HIVEP3: variants seen among roughly 807,000 people sequenced by gnomAD.
HIVEP3 encodes the protein HIVEP zinc finger 3, also known as transcription factor HIVEP3.
In HIVEP3, 49 loss-of-function variants were observed where a neutral mutation model predicts 152.8. The ratio of observed to expected loss-of-function variants is 0.32; its 90% CI spans 0.26 to 0.41. The LOEUF is 0.41. Ranked by LOEUF, HIVEP3 falls within the 10% of genes least tolerant of loss-of-function variation. The pLI is 1.00. For synonymous variants in HIVEP3, 1,269 were observed against 1,289.0 expected (o/e 0.98, Z 0.33); for missense variants, 2,790 against 3,103.3 (o/e 0.90, Z 2.40).
chr1:41,854,517 C>CTTT (rs998972000), intron 1 of HIVEP3, among the ~76,000 whole-genome samples: 1,224 of 103,336 alleles, frequency 0.012, 23 homozygotes, highest in African/African-American at 0.036. Context: ...TCTTGCTGCA[C>CTTT]TTTTTTTTTT....
intron 5 of HIVEP3, among the ~76,000 whole-genome samples, chr1:41,554,271 C>A (rs138418739): frequency 1.3e-5 from 2 of 152,276 alleles, no homozygotes; most frequent in African/African-American, 4.8e-5. Context: ...GATACCCTTT[C>A]TTCCATTGGC....
chr1:41,615,368 C>T (rs1490465674), intron 3 of HIVEP3, among the ~76,000 whole-genome samples: 1 of 152,220 alleles, frequency 6.6e-6, no homozygotes, highest in Non-Finnish European at 1.5e-5. Flanking sequence ...GGGGCTGCCC[C>T]CCATCTCCTC....
In HIVEP3 at chr1:41,580,984, T is replaced by G; in HGVS notation, c.3814A>C (p.Ser1272Arg). 6.3e-7 allele frequency: 1 copy of G among 1,580,906 alleles called. No homozygotes were observed. Among genetic ancestry groups the G allele is most frequent in the South Asian group, 1.2e-5 (1 of 85,726 alleles). ...KTSLAPLATG[S>R]AGLSPSTEYS... is the part of the protein sequence containing the mutation. Reference sequence around the variant, plus strand: ...TCTGTGCTGGGGGAGAGGCCAGCACTTCCTGTTGCCAGTGGGGCCAGGCTG... The same window carrying G: ...TCTGTGCTGGGGGAGAGGCCAGCACGTCCTGTTGCCAGTGGGGCCAGGCTG... Residue 1272 changes from serine (S) to arginine (R), a missense_variant, in exon 4 of 9, where the codon AGT (serine) becomes CGT (arginine). Coordinates refer to ENST00000372583, the MANE Select transcript of HIVEP3 (RefSeq NM_024503.5).
chr1:41,788,709 A>G (rs2124294854), intron 1 of HIVEP3, among the ~76,000 whole-genome samples: 1 of 152,372 alleles, frequency 6.6e-6, no homozygotes, highest in South Asian at 2.1e-4. Context: ...AAATTTGAAG[A>G]AAGCTGGGAA....
In HIVEP3 at chr1:41,580,171, G is replaced by A. The variant is rs761626711; in HGVS notation, c.4627C>T (p.Arg1543Ter). ...EYPQPSGKPH[R>*]RGLTPLSVKK... ...ACGCTCAGTGGGGTCAACCCTCTTC[G>A]GTGAGGTTTGCCAGATGGCTGGGGA... Residue 1543 changes from arginine to a stop codon, truncating the protein, a stop_gained, in exon 4 of 9, where the codon CGA becomes TGA. Coordinates refer to ENST00000372583, the MANE Select transcript of HIVEP3 (RefSeq NM_024503.5). LOFTEE classifies it high-confidence loss of function. 1.9e-6 allele frequency: 3 copies of A among 1,612,808 alleles called. No homozygotes were observed. The highest frequency in any genetic ancestry group is 1.1e-5 in the South Asian group (1 of 90,930).
chr1:42,006,438 C>T (rs1157436128), intron 1 of HIVEP3, among the ~76,000 whole-genome samples: 2 of 151,956 alleles, frequency 1.3e-5, no homozygotes, highest in South Asian at 4.2e-4. Flanking sequence ...GGGGTAATAT[C>T]TATATTATTT....
At chr1:41,914,890 T>A (rs1644847711) in intron 1 of HIVEP3, among the ~76,000 whole-genome samples, 1 of 152,228 alleles carries the variant, frequency 6.6e-6, no homozygotes, top group Admixed American at 6.5e-5. Flanking sequence ...TGTTTCCTGA[T>A]CATAACAAGA....
chr1:41,815,814 A>G (rs1300765174), intron 1 of HIVEP3, among the ~76,000 whole-genome samples: 1 of 151,672 alleles, frequency 6.6e-6, no homozygotes, highest in Non-Finnish European at 1.5e-5. Context: ...CTGTTGCCCA[A>G]GCCGGAGTGC....
At chr1:41,866,524 T>C (rs1343543367) in intron 1 of HIVEP3, among the ~76,000 whole-genome samples, 1 of 144,398 alleles carries the variant, frequency 6.9e-6, no homozygotes, top group Non-Finnish European at 1.5e-5. Flanking sequence ...GGCTGCTCCC[T>C]GTGGGACTCA....
At chr1:41,551,336 T>TA (rs1381799293) in intron 5 of HIVEP3, among the ~76,000 whole-genome samples, 1 of 55,974 alleles carries the variant, frequency 1.8e-5, no homozygotes, top group Non-Finnish European at 6.9e-5. Context: ...TCTAAAATTC[T>TA]CTTTTTTTTT....
intron 2 of HIVEP3, among the ~76,000 whole-genome samples, chr1:41,630,322 C>T (rs572724199): frequency 1.9e-4 from 29 of 152,254 alleles, no homozygotes; most frequent in East Asian, 7.7e-4. Flanking sequence ...CTACCTAGTG[C>T]GTACTATGCT....
chr1:41,674,725 T>C (rs925351968), intron 2 of HIVEP3, among the ~76,000 whole-genome samples: 3 of 152,190 alleles, frequency 2.0e-5, no homozygotes, highest in African/African-American at 7.2e-5. Flanking sequence ...TCCAGCCGCC[T>C]TTCCACACAA....
chr1:41,870,735 T>C (rs1644064331), intron 1 of HIVEP3, among the ~76,000 whole-genome samples: 2 of 152,172 alleles, frequency 1.3e-5, no homozygotes, highest in South Asian at 4.1e-4. Flanking sequence ...AGAAAGTTAC[T>C]CTCCCTGAGA....
chr1:41,736,170 T>C (rs1432639447), intron 1 of HIVEP3, among the ~76,000 whole-genome samples: 1 of 152,180 alleles, frequency 6.6e-6, no homozygotes, highest in African/African-American at 2.4e-5. Flanking sequence ...AGTTCCAATG[T>C]TCTGATCCCT....
chr1:41,888,717 A>T lies in HIVEP3; in HGVS notation c.-801+29696T>A, dbSNP rs1208465333. On this transcript the variant is annotated intron_variant, in intron 1 of 8. Coordinates refer to ENST00000372583, the MANE Select transcript of HIVEP3 (RefSeq NM_024503.5). ...ACACACCATATACCTCACACCCCCC[A>T]CACACATACCACACACACACATGCC... is the stretch of plus-strand genomic sequence containing the variant. Among the ~76,000 whole-genome samples, 11 of 104,896 alleles carry T rather than the reference A, an allele frequency of 1.0e-4. No individual in the cohort carries two copies. In the South Asian group the frequency reaches 3.9e-3, roughly 37 times the overall value. The allele number at this position is 104,896 out of a possible 152,430, so 68.8% of individuals were successfully genotyped here. A position where few individuals can be genotyped will look rare whatever the true frequency, so the allele number is the denominator to read the frequency against.
chr1:41,573,963 G>A (rs560656758), intron 5 of HIVEP3, among the ~76,000 whole-genome samples: 36 of 152,278 alleles, frequency 2.4e-4, no homozygotes, highest in African/African-American at 5.8e-4. Flanking sequence ...ATTGCAGACC[G>A]TGTAGGTAGA....
chr1:41,834,179 G>A (rs889437869), intron 1 of HIVEP3, among the ~76,000 whole-genome samples: 2 of 152,196 alleles, frequency 1.3e-5, no homozygotes, highest in Non-Finnish European at 2.9e-5. Context: ...GGTCAGAGAA[G>A]TATGAAGTCT....
chr1:41,838,001 T>C (rs1478674935), intron 1 of HIVEP3, among the ~76,000 whole-genome samples: 2 of 152,190 alleles, frequency 1.3e-5, no homozygotes, highest in Admixed American at 1.3e-4. Flanking sequence ...TGCTTTGGAA[T>C]ACCATGTTCC....
chr1:41,534,095 T>C (rs956392180), intron 5 of HIVEP3, among the ~76,000 whole-genome samples: 1 of 152,026 alleles, frequency 6.6e-6, no homozygotes, highest in African/African-American at 2.4e-5. Context: ...GGGTGCCACC[T>C]CTCTGTCCCC....
Sources: allele counts gnomAD v4.1 joint callset (sites outside exome capture counted in the v4.1 genomes callset), GRCh38; gene constraint gnomAD v4.1.1; transcripts MANE v1.5; gene names NCBI Gene and HGNC (gene_info 2026-07-23, HGNC 2026-07-21).